The following CUL4A variants were observed in gnomAD, a reference collection of about 807,000 sequenced individuals.
CUL4A encodes cullin 4A.
In CUL4A, 16 loss-of-function variants were observed where a neutral mutation model predicts 95.5. The ratio of observed to expected loss-of-function variants is 0.17; its 90% CI spans 0.11 to 0.25. CUL4A has a LOEUF of 0.25. Ranked by LOEUF, CUL4A falls within the 10% of genes least tolerant of loss-of-function variation. The probability of loss-of-function intolerance (pLI) is 1.00; values close to 1 mark genes in which losing one functional copy is unlikely to be tolerated. For missense variants in CUL4A, 610 were observed against 937.0 expected (o/e 0.65, Z 4.56); for synonymous variants, 380 against 353.1 (o/e 1.08, Z -0.85).
At chr13:113,234,115 A>G (rs192654214) in intron 7 of CUL4A, 129 bp downstream of exon 7, 170 of 583,388 alleles carry the variant, frequency 2.9e-4, no homozygotes, top group African/African-American at 2.7e-3. Flanking sequence ...GAAAGCTGCA[A>G]TCTTGCCAGA....
At chr13:113,212,954 G>A (rs556016797) in intron 2 of CUL4A, among the ~76,000 whole-genome samples, 1 of 152,298 alleles carries the variant, frequency 6.6e-6, no homozygotes, top group Admixed American at 6.5e-5. Flanking sequence ...TCATACATTT[G>A]CACAGGTTTC....
At chr13:113,246,715 A>C (rs537938207) in intron 15 of CUL4A, among the ~76,000 whole-genome samples, 2 of 152,348 alleles carry the variant, frequency 1.3e-5, no homozygotes, top group Non-Finnish European at 2.9e-5. Context: ...CTTATCCATC[A>C]TGAGGGTCAT....
intron 5 of CUL4A, among the ~76,000 whole-genome samples, chr13:113,231,003 C>A (rs574208067): frequency 8.3e-4 from 126 of 152,212 alleles, no homozygotes; most frequent in African/African-American, 2.5e-3. Flanking sequence ...GAACCCCTGG[C>A]CTCAAGCGAT....
intron 18 of CUL4A, among the ~76,000 whole-genome samples, chr13:113,257,923 A>T (rs536801914): frequency 1.3e-5 from 2 of 152,310 alleles, no homozygotes; most frequent in Admixed American, 1.3e-4. Context: ...TATTTGAATT[A>T]TCACCTTATT....
In CUL4A at chr13:113,260,623, G is replaced by A. The variant is rs1241584128; in HGVS notation, c.2048G>A (p.Ser683Asn). The A allele has an allele frequency of 9.3e-6, 15 of 1,610,004 alleles. No individual in the cohort carries two copies. The highest frequency in any genetic ancestry group is 8.5e-7 in the Non-Finnish European group (1 of 1,179,034). The change falls in exon 19 of 20, where the codon AGC (serine) becomes AAC (asparagine). Residue 683 changes from serine to asparagine, a missense_variant. By Grantham distance (46) the Ser-to-Asn change is conservative. This residue lies in a region of CUL4A where 28 missense variants were observed against 86.4 expected (regional missense o/e 0.32). Transcript: ENST00000375440. ...TTTATACAGGTTGAGGAACAGGTTAGCACCACTGAGAGAGTGTTTCAGGAT... is the reference window on the plus strand; with the variant it reads ...TTTATACAGGTTGAGGAACAGGTTAACACCACTGAGAGAGTGTTTCAGGAT... ...QMKETVEEQV[S>N]TTERVFQDRQ... is the part of the protein sequence containing the mutation.
At chr13:113,225,269 C>T (rs2041059646) in intron 3 of CUL4A, among the ~76,000 whole-genome samples, 1 of 152,156 alleles carries the variant, frequency 6.6e-6, no homozygotes, top group African/African-American at 2.4e-5. Flanking sequence ...GTCTCACATC[C>T]TGGAATTACT....
At chr13:113,243,332 C>A (rs2041772345) in intron 11 of CUL4A, among the ~76,000 whole-genome samples, 172 bp downstream of exon 11, 1 of 152,018 alleles carries the variant, frequency 6.6e-6, no homozygotes, top group Admixed American at 6.5e-5. Flanking sequence ...AATTTAAAAA[C>A]CGACACACCT....
At chr13:113,239,800 A>T (rs1341623066) in intron 10 of CUL4A, among the ~76,000 whole-genome samples, 1 of 152,230 alleles carries the variant, frequency 6.6e-6, no homozygotes, top group African/African-American at 2.4e-5. Context: ...CTTAAAGAAC[A>T]ACTGTTTTGC....
intron 3 of CUL4A, chr13:113,219,275 G>T: frequency 2.4e-6 from 1 of 416,344 alleles, no homozygotes; most frequent in Non-Finnish European, 4.3e-6. Context: ...AAGTATTTAG[G>T]AAATGTTCTG....
Position 113,209,714 on chromosome 13 carries a change from C to T in CUL4A, c.87C>T (p.Ala29=). ...TCACCAAGCCCGCGGCCCTGGCCGC[C>T]GCGCCCGCCAAGCCGGGGGGCGCGG... is the stretch of plus-strand genomic sequence containing the variant. ...NGLTKPAALA[A]APAKPGGAGG... The change falls in exon 1 of 20, where the codon GCC becomes GCT. Residue 29 remains alanine (A), a synonymous_variant. Transcript: ENST00000375440. 8.6e-7 allele frequency: 1 copy of T among 1,158,508 alleles called. No homozygotes were observed. The highest frequency in any genetic ancestry group is 1.1e-6 in the Non-Finnish European group (1 of 941,524). The allele number at this position is 1,158,508 out of a possible 1,614,324, so 71.8% of individuals were successfully genotyped here. A position where few individuals can be genotyped will look rare whatever the true frequency, so the allele number is the denominator to read the frequency against.
At chr13:113,241,511 CTTT>C (rs10645246) in intron 10 of CUL4A, among the ~76,000 whole-genome samples, 2 of 120,096 alleles carry the variant, frequency 1.7e-5, no homozygotes. Context: ...CTGTTGGCAT[CTTT>C]TTTTTTTTTT....
At chr13:113,232,119 A>T (rs1176196168) in intron 5 of CUL4A, among the ~76,000 whole-genome samples, 1 of 145,450 alleles carries the variant, frequency 6.9e-6, no homozygotes, top group African/African-American at 2.8e-5. Context: ...GCCCACCACC[A>T]TTACTGTCAC....
chr13:113,245,797 C>G (rs2041842275), intron 14 of CUL4A, among the ~76,000 whole-genome samples, 159 bp from the exon 15 acceptor site: 1 of 152,138 alleles, frequency 6.6e-6, no homozygotes, highest in African/African-American at 2.4e-5. Context: ...AAAGGCAGTC[C>G]TAGTGAGGCA....
At chr13:113,262,592 T>C (rs1047294218) in intron 19 of CUL4A, among the ~76,000 whole-genome samples, 2 of 152,174 alleles carry the variant, frequency 1.3e-5, no homozygotes, top group African/African-American at 4.8e-5. Context: ...GAGGCTGCAG[T>C]GAGCTGAGAT....
intron 10 of CUL4A, among the ~76,000 whole-genome samples, chr13:113,239,964 C>G (rs1232735716): frequency 6.6e-6 from 1 of 152,182 alleles, no homozygotes; most frequent in Non-Finnish European, 1.5e-5. Context: ...GCTTTATAAA[C>G]TTTATTTCTT....
rs552884085 is a variant in CUL4A at position 113,215,939 on chromosome 13, A to G, written c.265-3006A>G. 4.2e-5 allele frequency among the ~76,000 whole-genome samples: 6 copies of G among 141,612 alleles called. No individual in the cohort carries two copies. The South Asian group carries it at 1.1e-3, about 26-fold the overall frequency. 92.9% of individuals were successfully genotyped at this position (141,612 alleles called of 152,430 possible). A position where few individuals can be genotyped will look rare whatever the true frequency, so the allele number is the denominator to read the frequency against. ...ATGTGGCTGTGGCGGTCTCTGTGTG[A>G]CTATGGAGGTCTCGTCTGTGTGGCT... On this transcript the variant is annotated intron_variant, in intron 2 of 19. Transcript: ENST00000375440.
At chr13:113,231,876 G>A (rs2041322792) in intron 5 of CUL4A, among the ~76,000 whole-genome samples, 1 of 152,100 alleles carries the variant, frequency 6.6e-6, no homozygotes, top group Non-Finnish European at 1.5e-5. Flanking sequence ...GGAGGTGCAC[G>A]TCTCCACCAT....
chr13:113,208,608 G>C, upstream of CUL4A: 2 of 1,607,926 alleles, frequency 1.2e-6, no homozygotes, highest in Non-Finnish European at 1.7e-6. Flanking sequence ...CCTGCTGCAG[G>C]TACTGGTTAA....
intron 10 of CUL4A, among the ~76,000 whole-genome samples, chr13:113,242,005 A>G (rs373962782): frequency 1.9e-4 from 29 of 152,142 alleles, no homozygotes; most frequent in African/African-American, 6.5e-4. Context: ...AATGTTTAAT[A>G]TAACAGTTTT....
Sources: allele counts gnomAD v4.1 joint callset (sites outside exome capture counted in the v4.1 genomes callset), GRCh38; gene constraint gnomAD v4.1.1; regional missense constraint gnomAD v4.1.1; transcripts MANE v1.5; gene names NCBI Gene and HGNC (gene_info 2026-07-23, HGNC 2026-07-21).